The following ADAMTS14 variants were observed in gnomAD, a reference collection of about 807,000 sequenced individuals.
The protein encoded by ADAMTS14 is A disintegrin and metalloproteinase with thrombospondin motifs 14.
A neutral mutation model predicts 128.6 loss-of-function variants in ADAMTS14; 100 were observed. The observed-to-expected ratio is 0.78, with a 90% CI of 0.66 to 0.92. The LOEUF (loss-of-function observed/expected upper bound fraction) is 0.92. Among genes scored for constraint, ADAMTS14 ranks in the 40% least tolerant of loss-of-function variants. The pLI is 0.00. For synonymous variants in ADAMTS14, 665 were observed against 653.8 expected (o/e 1.02, Z -0.26); for missense variants, 1,562 against 1,658.6 (o/e 0.94, Z 1.01).
Position 70,744,197 on chromosome 10 carries a change from G to T in ADAMTS14, c.2182+8G>T. On this transcript the variant is annotated splice_region_variant and intron_variant, in intron 14 of 21. Transcript: ENST00000373207. ...AGGCCTCCAAGCAGGCAGGTGAGCCGGGCTGGGGCTGGGGGGATGACGAGG... is the reference window on the plus strand; with the variant it reads ...AGGCCTCCAAGCAGGCAGGTGAGCCTGGCTGGGGCTGGGGGGATGACGAGG... The T allele has an allele frequency of 6.6e-7, 1 of 1,511,232 alleles. No individual in the cohort carries two copies. Among genetic ancestry groups the T allele is most frequent in the East Asian group, 2.5e-5 (1 of 40,114 alleles). 93.6% of individuals were successfully genotyped at this position (1,511,232 alleles called of 1,614,324 possible). A position where few individuals can be genotyped will look rare whatever the true frequency, so the allele number is the denominator to read the frequency against.
chr10:70,702,288 C>G (rs549993695), intron 2 of ADAMTS14, 24 bp from the exon 3 acceptor site: 2 of 1,613,798 alleles, frequency 1.2e-6, no homozygotes, highest in Admixed American at 3.3e-5. Flanking sequence ...CTCTCTTTCC[C>G]GCTGCTTGCC....
rs373847253 is a variant in ADAMTS14, at chr10:70,708,572, C to T, written c.680-16C>T. 4 of 1,591,510 alleles carry T rather than the reference C, an allele frequency of 2.5e-6. No homozygotes were observed. The highest frequency in any genetic ancestry group is 2.6e-6 in the Non-Finnish European group (3 of 1,163,572). ...CCTGTGGGTTGGACCTCACTCTCTT[C>T]CTGTCTTGGTTCCAGCCTTTGGCCT... On this transcript the variant is annotated splice_polypyrimidine_tract_variant and intron_variant, in intron 3 of 21. Coordinates refer to ENST00000373207, the MANE Select transcript of ADAMTS14 (RefSeq NM_080722.4).
At chr10:70,732,845 G>A (rs1477715276) in intron 7 of ADAMTS14, among the ~76,000 whole-genome samples, 1 of 152,222 alleles carries the variant, frequency 6.6e-6, no homozygotes, top group Admixed American at 6.5e-5. Flanking sequence ...GGTAGGCCAG[G>A]CAGAGGCTGG....
Position 70,740,995 on chromosome 10 carries a change from A to G in ADAMTS14, c.1757A>G (p.Tyr586Cys), listed in dbSNP as rs768825343. 3.1e-6 allele frequency: 5 copies of G among 1,614,068 alleles called. No homozygotes were observed. Among genetic ancestry groups the G allele is most frequent in the Non-Finnish European group, 4.2e-6 (5 of 1,179,974 alleles). ...SRSCNNPSPA[Y>C]GGRLCLGPMF... ...CTCTGTGTCTGTCCCAGCCCAGCCT[A>G]TGGAGGCCGCCTGTGCTTAGGGCCC... Residue 586 changes from tyrosine to cysteine, a missense_variant, in exon 12 of 22, where the codon TAT becomes TGT. By Grantham distance (194) the Tyr-to-Cys change is radical. Transcript: ENST00000373207.
chr10:70,718,457 G>A lies in ADAMTS14; in HGVS notation c.870+9679G>A, dbSNP rs148609402. On this transcript the variant is annotated intron_variant, in intron 4 of 21. Transcript: ENST00000373207. ...GGCTGGAGTGCAGTGGTGCGATCTC[G>A]GCTCACTGCAACCTCCGTCTCGCAG... 4.3e-3 allele frequency among the ~76,000 whole-genome samples: 658 copies of A among 152,028 alleles called. 6 individuals are homozygous for A. The highest frequency in any genetic ancestry group is 0.015 in the African/African-American group (602 of 41,458).
intron 15 of ADAMTS14, 111 bp from the exon 16 acceptor site, chr10:70,749,711 G>A: frequency 2.2e-6 from 3 of 1,365,214 alleles, no homozygotes; most frequent in Non-Finnish European, 3.0e-6. Context: ...GGAAAGGCCG[G>A]TGGACAGGAG....
chr10:70,714,004 G>T (rs1347198576), intron 4 of ADAMTS14, among the ~76,000 whole-genome samples: 1 of 151,986 alleles, frequency 6.6e-6, no homozygotes, highest in Non-Finnish European at 1.5e-5. Flanking sequence ...GACAAGCCTG[G>T]GCATAGCAAG....
At chr10:70,708,803 T>C in intron 4 of ADAMTS14, 25 bp downstream of exon 4, 1 of 1,058,318 alleles carries the variant, frequency 9.4e-7, no homozygotes, top group Non-Finnish European at 1.3e-6. Context: ...GTCCTAGGAC[T>C]TGGGGGGAGT....
chr10:70,748,097 A>G (rs550020001), intron 15 of ADAMTS14, among the ~76,000 whole-genome samples: 2 of 152,292 alleles, frequency 1.3e-5, no homozygotes, highest in South Asian at 4.1e-4. Flanking sequence ...ATGAGCTGCC[A>G]CTTTTCATGC....
intron 2 of ADAMTS14, among the ~76,000 whole-genome samples, chr10:70,697,493 C>T (rs1489978681): frequency 5.3e-5 from 8 of 152,334 alleles, no homozygotes; most frequent in Non-Finnish European, 1.0e-4. Context: ...TTGTTGGCTC[C>T]AGGTACCCTT....
chr10:70,708,340 C>T (rs1840728094), intron 3 of ADAMTS14, among the ~76,000 whole-genome samples: 1 of 152,206 alleles, frequency 6.6e-6, no homozygotes, highest in African/African-American at 2.4e-5. Flanking sequence ...GGAACCCAGG[C>T]TTTCTGCTCT....
At chr10:70,692,520 G>A (rs1840221694) in intron 2 of ADAMTS14, among the ~76,000 whole-genome samples, 1 of 152,218 alleles carries the variant, frequency 6.6e-6, no homozygotes, top group African/African-American at 2.4e-5. Flanking sequence ...GATACATTAT[G>A]TTTGCTTCCC....
intron 3 of ADAMTS14, among the ~76,000 whole-genome samples, chr10:70,704,909 C>T (rs1840613066): frequency 6.6e-6 from 1 of 152,060 alleles, no homozygotes; most frequent in South Asian, 2.1e-4. Flanking sequence ...CTTATACCCA[C>T]CCGCACTCAC....
chr10:70,729,227 A>T lies in ADAMTS14; in HGVS notation c.871-67A>T, dbSNP rs553841244. On this transcript the variant is annotated intron_variant, in intron 4 of 21. Transcript: ENST00000373207. Reference sequence around the variant, plus strand: ...ATACCATATGTTAGGTACCTACCCCAGTACCTGGCATGCAGTAGGCTTGTA... The same window carrying T: ...ATACCATATGTTAGGTACCTACCCCTGTACCTGGCATGCAGTAGGCTTGTA... The T allele has an allele frequency of 3.1e-5, 42 of 1,349,968 alleles. No homozygotes were observed. In the African/African-American group the frequency reaches 5.2e-4, roughly 17 times the overall value. 83.6% of individuals were successfully genotyped at this position (1,349,968 alleles called of 1,614,324 possible).
At chr10:70,696,656 G>A (rs1157974814) in intron 2 of ADAMTS14, among the ~76,000 whole-genome samples, 1 of 152,146 alleles carries the variant, frequency 6.6e-6, no homozygotes, top group Non-Finnish European at 1.5e-5. Flanking sequence ...GTGGTGAGAA[G>A]GGAAGCGAGG....
At chr10:70,700,420 A>G (rs1167347281) in intron 2 of ADAMTS14, among the ~76,000 whole-genome samples, 3 of 152,000 alleles carry the variant, frequency 2.0e-5, no homozygotes, top group Non-Finnish European at 2.9e-5. Context: ...TCCCTGGGTG[A>G]CCTTGTGACT....
At chr10:70,694,277 T>C (rs1840272282) in intron 2 of ADAMTS14, among the ~76,000 whole-genome samples, 1 of 152,242 alleles carries the variant, frequency 6.6e-6, no homozygotes, top group South Asian at 2.1e-4. Flanking sequence ...AGTCGTCCCT[T>C]TGTGTGTCCT....
At chr10:70,694,760 A>G (rs777412407) in intron 2 of ADAMTS14, among the ~76,000 whole-genome samples, 55 of 152,310 alleles carry the variant, frequency 3.6e-4, no homozygotes, top group South Asian at 1.0e-3. Flanking sequence ...GGCTATATAT[A>G]TATAGTTTGT....
At chr10:70,691,745 C>G (rs549469602) in intron 2 of ADAMTS14, among the ~76,000 whole-genome samples, 1 of 152,242 alleles carries the variant, frequency 6.6e-6, no homozygotes, top group African/African-American at 2.4e-5. Flanking sequence ...GCTTCCCCCA[C>G]GCTGGATCAC....
Sources: allele counts gnomAD v4.1 joint callset (sites outside exome capture counted in the v4.1 genomes callset), GRCh38; gene constraint gnomAD v4.1.1; transcripts MANE v1.5; gene names NCBI Gene and HGNC (gene_info 2026-07-23, HGNC 2026-07-21).